FSTL5: variants seen among roughly 807,000 people sequenced by gnomAD.
FSTL5 encodes follistatin like 5.
FSTL5 carries 62 observed loss-of-function variants against 89.1 expected under a neutral mutation model. The ratio of observed to expected loss-of-function variants is 0.70; its 90% CI spans 0.57 to 0.86. The LOEUF is 0.86. Ranked by LOEUF, FSTL5 falls within the 40% of genes least tolerant of loss-of-function variation. The pLI is 0.00. For missense variants in FSTL5, 1,057 were observed against 1,001.6 expected, an observed-to-expected ratio of 1.06 and a Z score of -0.75; for synonymous variants, 383 against 346.2, an observed-to-expected ratio of 1.11 and a Z score of -1.18.
intron 4 of FSTL5, among the ~76,000 whole-genome samples, chr4:161,808,313 T>C (rs538248626): frequency 6.6e-6 from 1 of 152,164 alleles, no homozygotes; most frequent in Admixed American, 6.5e-5. Flanking sequence ...GCAACTCCAC[T>C]TATAGGCATA....
intron 13 of FSTL5, among the ~76,000 whole-genome samples, chr4:161,466,558 A>C (rs1467668982): frequency 6.6e-6 from 1 of 152,160 alleles, no homozygotes; most frequent in African/African-American, 2.4e-5. Flanking sequence ...AATACTTAAG[A>C]GTACTCCCGG....
At position 162,111,824 on chromosome 4, in the gene FSTL5, C is replaced by A. The variant is rs1266916977; in HGVS notation, c.-16-412G>T. ...GATGAACAAATCTTAATAGACTTAC[C>A]GTTATTATAATTCACTGGTAAATAT... On this transcript the variant is annotated intron_variant, in intron 1 of 15. Transcript: ENST00000306100. Among the ~76,000 whole-genome samples the A allele has an allele frequency of 2.0e-5, 3 of 151,722 alleles. No individual in the cohort carries two copies. The East Asian group carries it at 5.8e-4, about 29-fold the overall frequency.
intron 11 of FSTL5, among the ~76,000 whole-genome samples, chr4:161,505,040 C>A (rs910694424): frequency 6.6e-6 from 1 of 151,922 alleles, no homozygotes; most frequent in African/African-American, 2.4e-5. Flanking sequence ...GATTTGGTAG[C>A]CAATCAAAGG....
chr4:162,015,092 C>A (rs773035327), intron 3 of FSTL5, among the ~76,000 whole-genome samples: 6 of 152,026 alleles, frequency 3.9e-5, no homozygotes, highest in Non-Finnish European at 1.5e-5. Context: ...ATTTTACAAT[C>A]AAAAATGGAG....
intron 1 of FSTL5, among the ~76,000 whole-genome samples, chr4:162,114,454 A>C (rs1372094253): frequency 6.6e-6 from 1 of 151,778 alleles, no homozygotes. Flanking sequence ...TAAAGTGCTC[A>C]GTTAAGATTT....
intron 2 of FSTL5, among the ~76,000 whole-genome samples, chr4:162,068,980 A>G (rs1729475432): frequency 6.6e-6 from 1 of 152,152 alleles, no homozygotes; most frequent in Non-Finnish European, 1.5e-5. Context: ...AATGGAAATC[A>G]AAACCACAAT....
At chr4:161,590,178 T>C (rs1560968427) in intron 7 of FSTL5, among the ~76,000 whole-genome samples, 2 of 152,118 alleles carry the variant, frequency 1.3e-5, no homozygotes, top group Admixed American at 6.6e-5. Context: ...AGGAAATATT[T>C]GAAGAAAATT....
chr4:161,387,043 C>A (rs1322644102), intron 15 of FSTL5: 1 of 151,862 alleles, frequency 6.6e-6, no homozygotes, highest in Non-Finnish European at 1.5e-5. Flanking sequence ...ATATTAAAGC[C>A]AATTAAACAA....
intron 4 of FSTL5, among the ~76,000 whole-genome samples, chr4:161,783,629 TTTC>T (rs1157287218): frequency 1.7e-5 from 1 of 57,812 alleles, no homozygotes; most frequent in African/African-American, 5.3e-5. Context: ...TTTCTTTCTC[TTTC>T]TTTTCTTTCT....
chr4:162,053,661 T>A (rs1299961701), intron 2 of FSTL5, among the ~76,000 whole-genome samples: 3 of 151,752 alleles, frequency 2.0e-5, no homozygotes, highest in Admixed American at 2.0e-4. Flanking sequence ...AGGTATAAGA[T>A]CCTTTTATAT....
chr4:161,826,897 G>C (rs929889908), intron 4 of FSTL5, among the ~76,000 whole-genome samples: 3 of 152,188 alleles, frequency 2.0e-5, no homozygotes, highest in Admixed American at 2.0e-4. Context: ...TCAACGTTGA[G>C]ATGTGAGGTA....
intron 13 of FSTL5, among the ~76,000 whole-genome samples, chr4:161,479,908 C>A (rs1194449653): frequency 6.6e-6 from 1 of 151,984 alleles, no homozygotes; most frequent in African/African-American, 2.4e-5. Flanking sequence ...TAAATAAGTA[C>A]AGAATATATG....
chr4:161,632,392 A>G (rs905579148), intron 7 of FSTL5, among the ~76,000 whole-genome samples: 1 of 152,152 alleles, frequency 6.6e-6, no homozygotes, highest in Admixed American at 6.6e-5. Flanking sequence ...AAATCAAAAC[A>G]AAACAAAACA....
rs541707764 is a variant in FSTL5, at chr4:161,910,505, C to T, written c.409+9899G>A. Among the ~76,000 whole-genome samples, 8 of 152,236 alleles carry T rather than the reference C, an allele frequency of 5.3e-5. No individual in the cohort carries two copies. In the East Asian group the frequency reaches 1.4e-3, roughly 26 times the overall value. On this transcript the variant is annotated intron_variant, in intron 4 of 15. Transcript: ENST00000306100. ...CCTGTATATATACTCTCCTTGCATA[C>T]ATTAACAAGGAGATTCCAGTGTTTT...
chr4:162,057,431 T>C (rs886494574), intron 2 of FSTL5, among the ~76,000 whole-genome samples: 6 of 152,310 alleles, frequency 3.9e-5, no homozygotes, highest in African/African-American at 1.4e-4. Flanking sequence ...GCTAAAGGTA[T>C]TTTAACAGAT....
intron 10 of FSTL5, 81 bp from the exon 11 acceptor site, chr4:161,510,505 A>G (rs1730617714): frequency 2.6e-6 from 2 of 762,786 alleles, no homozygotes; most frequent in African/African-American, 3.6e-5. Context: ...AAATATTATT[A>G]AAGATGTCAA....
At chr4:161,556,818 T>TTA (rs1347720310) in intron 8 of FSTL5, among the ~76,000 whole-genome samples, 23 of 133,972 alleles carry the variant, frequency 1.7e-4, no homozygotes, top group Middle Eastern at 4.0e-3. Context: ...CGGTAAAAGA[T>TTA]TATATATATA....
At chr4:161,399,551 C>T (rs192904836) in intron 15 of FSTL5, among the ~76,000 whole-genome samples, 2 of 151,352 alleles carry the variant, frequency 1.3e-5, no homozygotes, top group East Asian at 1.9e-4. Flanking sequence ...CATTATCGAG[C>T]CAACCAACTT....
intron 3 of FSTL5, among the ~76,000 whole-genome samples, chr4:162,026,177 T>C (rs1737274616): frequency 6.6e-6 from 1 of 151,878 alleles, no homozygotes; most frequent in South Asian, 2.1e-4. Context: ...AGGCCAACCA[T>C]TCTAGGTAAG....
Sources: allele counts gnomAD v4.1 joint callset (sites outside exome capture counted in the v4.1 genomes callset), GRCh38; gene constraint gnomAD v4.1.1; transcripts MANE v1.5; gene names NCBI Gene and HGNC (gene_info 2026-07-23, HGNC 2026-07-21).